PSD: variants seen among roughly 807,000 people sequenced by gnomAD.
PSD encodes PH and SEC7 domain-containing protein 1.
PSD carries 32 observed loss-of-function variants against 91.6 expected under a neutral mutation model. The ratio of observed to expected loss-of-function variants is 0.35; its 90% CI spans 0.26 to 0.47. The LOEUF (loss-of-function observed/expected upper bound fraction) is 0.47. PSD is among the 20% of genes least tolerant of loss of function. The pLI is 1.00. For missense variants in PSD, 1,099 were observed against 1,373.9 expected (o/e 0.80, Z 3.16); for synonymous variants, 532 against 569.3 (o/e 0.93, Z 0.93).
rs1272054497 is a variant in PSD, at chr10:102,403,932, C to A, written c.2754G>T (p.Leu918=). ...CCAGCTGGGCGGCCCGGTGCTCCCG[C>A]AGCTCACTTGCCATGGCCTTCAGCT... is the stretch of plus-strand genomic sequence containing the variant. ...EAKLKAMASE[L]REHRAAQLGK... Residue 918 remains leucine (L), a synonymous_variant, in exon 16 of 17, where the codon CTG becomes CTT. Coordinates refer to ENST00000020673, the MANE Select transcript of PSD (RefSeq NM_002779.5). The surrounding 1 kb of genome is among the most constrained non-coding windows in gnomAD (Gnocchi z 6.7). 6.3e-6 allele frequency: 10 copies of A among 1,588,092 alleles called. No individual in the cohort carries two copies. Among genetic ancestry groups the A allele is most frequent in the Non-Finnish European group, 8.6e-6 (10 of 1,167,472 alleles).
In PSD at chr10:102,404,436, G is replaced by A. The variant is rs527844995; in HGVS notation, c.2700+147C>T. On this transcript the variant is annotated intron_variant, in intron 15 of 16. Coordinates refer to ENST00000020673, the MANE Select transcript of PSD (RefSeq NM_002779.5). This position sits in a 1 kb window ranked among gnomAD's most constrained non-coding sequence, Gnocchi z 5.7. ...AGCCGGCAAGCGGGACCCAGTGGGG[G>A]CTGGATTTCAGTCCCTGCTCACCCC... The A allele has an allele frequency of 7.8e-6, 8 of 1,030,150 alleles. No individual in the cohort carries two copies. In the African/African-American group the frequency reaches 9.8e-5, roughly 13 times the overall value. The allele number at this position is 1,030,150 out of a possible 1,614,324, so 63.8% of individuals were successfully genotyped here.
chr10:102,407,727 G>T lies in PSD; in HGVS notation c.2092-461C>A, dbSNP rs573241551. ...CCCACACATAGCATATGGGGAAACT[G>T]CGACCCCAGGATAGGGGACTCGCCC... On this transcript the variant is annotated intron_variant, in intron 10 of 16. Coordinates refer to ENST00000020673, the MANE Select transcript of PSD (RefSeq NM_002779.5). 3.3e-5 allele frequency among the ~76,000 whole-genome samples: 5 copies of T among 152,144 alleles called. No homozygotes were observed. The South Asian group carries it at 1.0e-3, about 32-fold the overall frequency.
In PSD at chr10:102,405,392, G is replaced by GTGCT; in HGVS notation, c.2276_2279dup (p.His760GlnfsTer14). The GTGCT allele has an allele frequency of 6.2e-7, 1 of 1,613,754 alleles. No individual in the cohort carries two copies. The highest frequency in any genetic ancestry group is 8.5e-7 in the Non-Finnish European group (1 of 1,180,006). On this transcript the variant is annotated frameshift_variant, in exon 12 of 17. Transcript: ENST00000020673. LOFTEE classifies it high-confidence loss of function. The surrounding 1 kb of genome is among the most constrained non-coding windows in gnomAD (Gnocchi z 5.4). Reference sequence around the variant, plus strand: ...CGTGCACCTTTCGCACCAGGGCCCCGTGCTTGTAGACGGCAGCCCCAGGCT... The same window carrying GTGCT: ...CGTGCACCTTTCGCACCAGGGCCCCGTGCTTGCTTGTAGACGGCAGCCCCAGGCT...
At chr10:102,412,042 T>C (rs2061430590) in intron 7 of PSD, 105 bp downstream of exon 7, 8 of 1,265,904 alleles carry the variant, frequency 6.3e-6, no homozygotes, top group African/African-American at 1.5e-5. Flanking sequence ...GGAAGGGTGA[T>C]GTCAGGACGG....
chr10:102,419,621 C>A, upstream of PSD: 1 of 156,706 alleles, frequency 6.4e-6, no homozygotes, highest in Non-Finnish European at 1.4e-5. The surrounding 1 kb of genome is among the most constrained non-coding windows in gnomAD (Gnocchi z 4.8). Flanking sequence ...TCAGGGGGCG[C>A]GAGGACGTGC....
chr10:102,403,778 T>A lies in PSD; in HGVS notation c.2844+64A>T. 1 of 1,546,512 alleles carries A rather than the reference T, an allele frequency of 6.5e-7. No individual in the cohort carries two copies. The highest frequency in any genetic ancestry group is 1.7e-4 in the Middle Eastern group (1 of 5,748). On this transcript the variant is annotated intron_variant, in intron 16 of 16. Coordinates refer to ENST00000020673, the MANE Select transcript of PSD (RefSeq NM_002779.5). The surrounding 1 kb of genome is among the most constrained non-coding windows in gnomAD (Gnocchi z 6.7). The stretch of plus-strand genomic sequence containing the variant: ...CCTCCGGCCGGTTCCACTGTTAGAG[T>A]TCATGCCCTTCACCCTAGTATGGGC...
chr10:102,411,979 C>T (rs2061429811), intron 7 of PSD, among the ~76,000 whole-genome samples, 160 bp from the exon 8 acceptor site: 1 of 152,250 alleles, frequency 6.6e-6, no homozygotes, highest in Non-Finnish European at 1.5e-5. Context: ...TCACCCCTAC[C>T]CAAGGTCCCT....
chr10:102,409,029 C>T lies in PSD; in HGVS notation c.2092-1763G>A. The T allele has an allele frequency of 1.0e-6, 1 of 986,648 alleles. No homozygotes were observed. The highest frequency in any genetic ancestry group is 4.7e-5 in the South Asian group (1 of 21,342). 61.1% of individuals were successfully genotyped at this position (986,648 alleles called of 1,614,324 possible). A position where few individuals can be genotyped will look rare whatever the true frequency, so the allele number is the denominator to read the frequency against. On this transcript the variant is annotated intron_variant, in intron 10 of 16. Coordinates refer to ENST00000020673, the MANE Select transcript of PSD (RefSeq NM_002779.5). The surrounding 1 kb of genome is among the most constrained non-coding windows in gnomAD (Gnocchi z 5.7). ...CCGCGGTGGGTGCGCCCGTAGCGCA[C>T]GGAGCACAGCGAGCGCGAGCGCAGC...
Position 102,405,387 on chromosome 10 carries a change from G to A in PSD, c.2285C>T (p.Ala762Val), listed in dbSNP as rs2061348649. 1 of 1,613,460 alleles carries A rather than the reference G, an allele frequency of 6.2e-7. No homozygotes were observed. Among genetic ancestry groups the A allele is most frequent in the Admixed American group, 1.7e-5 (1 of 59,998 alleles). The change falls in exon 12 of 17, where the codon GCC (alanine) becomes GTC (valine). Residue 762 changes from alanine to valine, a missense_variant. Ala to Val is a moderately conservative substitution (Grantham distance 64). Transcript: ENST00000020673. The surrounding 1 kb of genome is among the most constrained non-coding windows in gnomAD (Gnocchi z 5.4). ...GTCTGCGTGCACCTTTCGCACCAGG[G>A]CCCCGTGCTTGTAGACGGCAGCCCC... ...EPGAAVYKHG[A>V]LVRKVHADPD... is the part of the protein sequence containing the mutation.
At chr10:102,408,043 G>C (rs2061382518) in intron 10 of PSD, among the ~76,000 whole-genome samples, 1 of 152,230 alleles carries the variant, frequency 6.6e-6, no homozygotes, top group East Asian at 1.9e-4. Context: ...TCAGAAGAGA[G>C]AATAGGCTCC....
chr10:102,410,802 C>G lies in PSD; in HGVS notation c.2091+56G>C. ...TCCCTCCGACTCTGGACTCCGTCGC[C>G]GACTGGGTCCTCCATCCTTCCCCTC... is the stretch of plus-strand genomic sequence containing the variant. On this transcript the variant is annotated intron_variant, in intron 10 of 16. Coordinates refer to ENST00000020673, the MANE Select transcript of PSD (RefSeq NM_002779.5). This position sits in a 1 kb window ranked among gnomAD's most constrained non-coding sequence, Gnocchi z 6.0. The G allele has an allele frequency of 7.3e-7, 1 of 1,372,444 alleles. No individual in the cohort carries two copies. 85.0% of individuals were successfully genotyped at this position (1,372,444 alleles called of 1,614,324 possible).
chr10:102,408,754 G>C (rs1359658758), intron 10 of PSD: 4 of 264,742 alleles, frequency 1.5e-5, no homozygotes, highest in Non-Finnish European at 2.3e-5. Context: ...TGCCCCCCCA[G>C]CCCGTGCCCG....
chr10:102,407,138 G>C, intron 11 of PSD, 85 bp downstream of exon 11: 7 of 1,078,738 alleles, frequency 6.5e-6, no homozygotes, highest in Non-Finnish European at 9.2e-6. Flanking sequence ...CCCCCACCCA[G>C]GGCCTACCCC....
chr10:102,414,862 C>T lies in PSD; in HGVS notation c.1124+1G>A, dbSNP rs2061459407. 1 of 1,492,490 alleles carries T rather than the reference C, an allele frequency of 6.7e-7. No individual in the cohort carries two copies. Among genetic ancestry groups the T allele is most frequent in the Non-Finnish European group, 8.9e-7 (1 of 1,125,010 alleles). 92.5% of individuals were successfully genotyped at this position (1,492,490 alleles called of 1,614,324 possible). A position where few individuals can be genotyped will look rare whatever the true frequency, so the allele number is the denominator to read the frequency against. Reference sequence around the variant, plus strand: ...CTTCCCCCTCCCACTTCCCCACTCACCGGGCCCCTTCAGAGGCCTCAAACA... The same window carrying T: ...CTTCCCCCTCCCACTTCCCCACTCATCGGGCCCCTTCAGAGGCCTCAAACA... On this transcript the variant is annotated splice_donor_variant, in intron 4 of 16. Transcript: ENST00000020673. LOFTEE classifies it high-confidence loss of function. The surrounding 1 kb of genome is among the most constrained non-coding windows in gnomAD (Gnocchi z 5.6).
Position 102,416,176 on chromosome 10 carries a change from C to A in PSD, c.655-57G>T. On this transcript the variant is annotated intron_variant, in intron 2 of 16. Transcript: ENST00000020673. The surrounding 1 kb of genome is among the most constrained non-coding windows in gnomAD (Gnocchi z 6.0). ...AGATAAAGCCAGACATACAAGGACA[C>A]AAGAATATGGGACAGAAACAGAAAT... 7.2e-7 allele frequency: 1 copy of A among 1,382,542 alleles called. No individual in the cohort carries two copies. The highest frequency in any genetic ancestry group is 1.2e-5 in the South Asian group (1 of 80,784). The allele number at this position is 1,382,542 out of a possible 1,614,324, so 85.6% of individuals were successfully genotyped here.
chr10:102,414,294 T>G lies in PSD; in HGVS notation c.1125-97A>C. ...CACACTGACTCTGCTAAGGGGATTA[T>G]CATCCCCTTTTCACTGGCTCCAGCC... On this transcript the variant is annotated intron_variant, in intron 4 of 16. Coordinates refer to ENST00000020673, the MANE Select transcript of PSD (RefSeq NM_002779.5). The surrounding 1 kb of genome is among the most constrained non-coding windows in gnomAD (Gnocchi z 5.6). 8.3e-7 allele frequency: 1 copy of G among 1,202,460 alleles called. No individual in the cohort carries two copies. The highest frequency in any genetic ancestry group is 1.2e-6 in the Non-Finnish European group (1 of 855,260). 74.5% of individuals were successfully genotyped at this position (1,202,460 alleles called of 1,614,324 possible).
chr10:102,416,515 T>C lies in PSD; in HGVS notation c.524A>G (p.His175Arg), dbSNP rs750317447. The change falls in exon 2 of 17, where the codon CAT becomes CGT. Residue 175 changes from histidine to arginine, a missense_variant. Physicochemically the swap from His to Arg is conservative, Grantham distance 29. Coordinates refer to ENST00000020673, the MANE Select transcript of PSD (RefSeq NM_002779.5). The surrounding 1 kb of genome is among the most constrained non-coding windows in gnomAD (Gnocchi z 6.0). ...SALPGSRNLV[H>R]GPPAPPQVGA... Reference sequence around the variant, plus strand: ...AACCTGGGGTGGGGCTGGCGGCCCATGTACAAGGTTCCGGCTGCCAGGTAG... The same window carrying C: ...AACCTGGGGTGGGGCTGGCGGCCCACGTACAAGGTTCCGGCTGCCAGGTAG... 5.0e-6 allele frequency: 8 copies of C among 1,612,342 alleles called. No homozygotes were observed. The highest frequency in any genetic ancestry group is 4.5e-5 in the East Asian group (2 of 44,860).
In PSD at chr10:102,410,307, G is replaced by C. The variant is rs1017534944; in HGVS notation, c.2091+551C>G. ...GGCCATGGAGCTGGCGCCTGGGAAC[G>C]GGACCTGCTCACAGGGAGCCAGAAA... On this transcript the variant is annotated intron_variant, in intron 10 of 16. Coordinates refer to ENST00000020673, the MANE Select transcript of PSD (RefSeq NM_002779.5). The surrounding 1 kb of genome is among the most constrained non-coding windows in gnomAD (Gnocchi z 6.0). Among the ~76,000 whole-genome samples, 3 of 152,210 alleles carry C rather than the reference G, an allele frequency of 2.0e-5. No individual in the cohort carries two copies. The highest frequency in any genetic ancestry group is 4.8e-5 in the African/African-American group (2 of 41,446).
rs988005624 is a variant in PSD at position 102,410,706 on chromosome 10, C to T, written c.2091+152G>A. On this transcript the variant is annotated intron_variant, in intron 10 of 16. Transcript: ENST00000020673. The surrounding 1 kb of genome is among the most constrained non-coding windows in gnomAD (Gnocchi z 6.0). ...GCGTGGGGCCTGGGGAGGGGGCGGT[C>T]CCCAGGCTGAGTCACGAGAGCCCGG... is the stretch of plus-strand genomic sequence containing the variant. 1.9e-5 allele frequency: 13 copies of T among 674,690 alleles called. No individual in the cohort carries two copies. Among genetic ancestry groups the T allele is most frequent in the Non-Finnish European group, 3.4e-5 (13 of 377,222 alleles). The allele number at this position is 674,690 out of a possible 1,614,324, so 41.8% of individuals were successfully genotyped here. A position where few individuals can be genotyped will look rare whatever the true frequency, so the allele number is the denominator to read the frequency against.
Sources: allele counts gnomAD v4.1 joint callset (sites outside exome capture counted in the v4.1 genomes callset), GRCh38; gene constraint gnomAD v4.1.1; non-coding constraint Gnocchi (gnomAD v3.1); transcripts MANE v1.5; gene names NCBI Gene and HGNC (gene_info 2026-07-23, HGNC 2026-07-21).